The following JAK1 variants were observed in gnomAD, a reference collection of about 807,000 sequenced individuals.
JAK1 encodes Janus kinase 1.
A neutral mutation model predicts 136.6 loss-of-function variants in JAK1; 16 were observed. The observed-to-expected ratio is 0.12, with a 90% CI of 0.08 to 0.18. The LOEUF (loss-of-function observed/expected upper bound fraction) is 0.18, where lower values mean the gene tolerates loss of function less well. Ranked by LOEUF, JAK1 falls within the 10% of genes least tolerant of loss-of-function variation. JAK1 has a pLI of 1.00. For synonymous variants in JAK1, 492 were observed against 519.5 expected (o/e 0.95, Z 0.72); for missense variants, 859 against 1,450.1 (o/e 0.59, Z 6.62).
upstream of JAK1, among the ~76,000 whole-genome samples, chr1:64,967,388 C>G (rs1161545087): frequency 6.6e-6 from 1 of 152,172 alleles, no homozygotes; most frequent in Non-Finnish European, 1.5e-5. Flanking sequence ...TAAATCGTCA[C>G]TCCATTCACT....
chr1:64,859,489 G>A (rs1656156045), intron 9 of JAK1, among the ~76,000 whole-genome samples: 2 of 152,172 alleles, frequency 1.3e-5, no homozygotes, highest in Non-Finnish European at 1.5e-5. Flanking sequence ...ATGCAGGTGG[G>A]ACAAGGCATC....
chr1:65,059,173 G>T (rs1365863904), intron 1 of JAK1, among the ~76,000 whole-genome samples: 2 of 150,242 alleles, frequency 1.3e-5, no homozygotes, highest in Admixed American at 6.6e-5. Context: ...TAGGTGATTT[G>T]CCAGAGATCA....
upstream of JAK1, among the ~76,000 whole-genome samples, chr1:64,969,011 G>A (rs567974124): frequency 6.6e-6 from 1 of 150,920 alleles, no homozygotes; most frequent in East Asian, 2.0e-4. Flanking sequence ...TTGGGAGGCT[G>A]ATGCTGGAGG....
chr1:64,986,602 T>G (rs1207761524), intron 2 of JAK1, among the ~76,000 whole-genome samples: 1 of 151,978 alleles, frequency 6.6e-6, no homozygotes, highest in Non-Finnish European at 1.5e-5. Context: ...AAGATTAAGT[T>G]AAATAATAAG....
intron 2 of JAK1, among the ~76,000 whole-genome samples, chr1:64,995,553 T>C (rs1646696705): frequency 6.6e-6 from 1 of 152,182 alleles, no homozygotes; most frequent in South Asian, 2.1e-4. Context: ...AATCCTTTAA[T>C]AATGCGAAAA....
intron 19 of JAK1, 52 bp from the exon 20 acceptor site, chr1:64,839,847 C>A: frequency 6.9e-7 from 1 of 1,452,730 alleles, no homozygotes; most frequent in Non-Finnish European, 9.3e-7. Flanking sequence ...TCGTAGGCCA[C>A]GGAACACACA....
chr1:64,981,660 A>T (rs1646546699), intron 2 of JAK1, among the ~76,000 whole-genome samples: 1 of 152,248 alleles, frequency 6.6e-6, no homozygotes, highest in Non-Finnish European at 1.5e-5. Flanking sequence ...AAATTCCAGC[A>T]ATGAGGACCT....
At chr1:64,937,940 C>T (rs1023042186) in intron 1 of JAK1, among the ~76,000 whole-genome samples, 12 of 151,840 alleles carry the variant, frequency 7.9e-5, no homozygotes, top group Admixed American at 2.0e-4. Flanking sequence ...AGTGCAGTGG[C>T]GCGATCTCGG....
intron 2 of JAK1, among the ~76,000 whole-genome samples, chr1:64,983,572 A>G (rs1291951404): frequency 6.6e-6 from 1 of 152,196 alleles, no homozygotes; most frequent in Non-Finnish European, 1.5e-5. Context: ...AGAACCAATT[A>G]TTTTAGGTTT....
At chr1:64,975,720 C>T (rs1355183997) in intron 2 of JAK1, among the ~76,000 whole-genome samples, 1 of 152,288 alleles carries the variant, frequency 6.6e-6, no homozygotes, top group East Asian at 1.9e-4. Context: ...CAGTCATACC[C>T]TTCTCAGGCC....
chr1:64,894,795 A>C (rs995873503), intron 1 of JAK1, among the ~76,000 whole-genome samples: 2 of 151,972 alleles, frequency 1.3e-5, no homozygotes, highest in African/African-American at 4.8e-5. Context: ...AACAAAAAAA[A>C]ACCAGGAAAT....
At chr1:65,059,510 T>C (rs1287433531) in intron 1 of JAK1, among the ~76,000 whole-genome samples, 1 of 152,222 alleles carries the variant, frequency 6.6e-6, no homozygotes, top group Admixed American at 6.5e-5. Flanking sequence ...GTCAATTCTA[T>C]ACCTATGGTG....
intron 1 of JAK1, among the ~76,000 whole-genome samples, chr1:64,951,395 T>A (rs906997722): frequency 6.6e-6 from 1 of 152,146 alleles, no homozygotes; most frequent in Admixed American, 6.6e-5. Context: ...CAGAAAAGTA[T>A]AAAGAACCAT....
At chr1:64,948,506 T>C (rs556837644) in intron 1 of JAK1, among the ~76,000 whole-genome samples, 2 of 152,342 alleles carry the variant, frequency 1.3e-5, no homozygotes, top group South Asian at 4.1e-4. Context: ...TTTGCAAAGA[T>C]AAACTAGCCT....
chr1:64,985,486 A>C (rs1476269741), intron 2 of JAK1: 1 of 1,593,622 alleles, frequency 6.3e-7, no homozygotes, highest in Non-Finnish European at 8.6e-7. Context: ...TCAGGGCAAA[A>C]AGGAAGGGCT....
intron 1 of JAK1, among the ~76,000 whole-genome samples, chr1:64,938,425 T>C (rs1285032551): frequency 6.6e-6 from 1 of 152,100 alleles, no homozygotes; most frequent in Non-Finnish European, 1.5e-5. Context: ...CCCAGAAGCA[T>C]TTATACTTGT....
intron 2 of JAK1, among the ~76,000 whole-genome samples, chr1:65,014,792 CT>C (rs1646879346): frequency 6.6e-6 from 1 of 151,768 alleles, no homozygotes; most frequent in South Asian, 2.1e-4. Context: ...TCACGCCATT[CT>C]CCCGCCTCAG....
chr1:65,032,770 T>C (rs1371291293), intron 2 of JAK1, among the ~76,000 whole-genome samples: 1 of 152,228 alleles, frequency 6.6e-6, no homozygotes, highest in Non-Finnish European at 1.5e-5. Flanking sequence ...CCTTTGCTAC[T>C]GTCTATTTCT....
chr1:65,025,276 G>A (rs1346148904), intron 2 of JAK1, among the ~76,000 whole-genome samples: 1 of 152,166 alleles, frequency 6.6e-6, no homozygotes, highest in East Asian at 1.9e-4. Flanking sequence ...CGAAGCAATG[G>A]TTAGAGCCCA....
Sources: gnomAD v4.1 joint callset for allele counts (sites outside exome capture counted in the v4.1 genomes callset) on GRCh38, gnomAD v4.1.1 for gene constraint, MANE v1.5 for transcripts, NCBI Gene and HGNC (gene_info 2026-07-23, HGNC 2026-07-21) for gene names.